SLC25A27: variants seen among roughly 807,000 people sequenced by gnomAD.
The protein encoded by SLC25A27 is mitochondrial uncoupling protein 4.
A neutral mutation model predicts 49.1 loss-of-function variants in SLC25A27; 35 were observed. The observed-to-expected ratio is 0.71, with a 90% confidence interval of 0.54 to 0.95. The LOEUF is 0.95. Ranked by LOEUF, SLC25A27 falls within the 40% of genes least tolerant of loss-of-function variation. SLC25A27 has a pLI of 0.00. For synonymous variants in SLC25A27, 144 were observed against 136.9 expected (o/e 1.05, Z -0.36); for missense variants, 339 against 397.1 (o/e 0.85, Z 1.24).
intron 2 of SLC25A27, among the ~76,000 whole-genome samples, chr6:46,656,894 A>C (rs1763000401): frequency 6.6e-6 from 1 of 152,238 alleles, no homozygotes; most frequent in South Asian, 2.1e-4. Flanking sequence ...AGCCAGATAC[A>C]GTGGCTTATG....
At chr6:46,669,868 C>T (rs886675272) in intron 6 of SLC25A27, among the ~76,000 whole-genome samples, 3 of 152,160 alleles carry the variant, frequency 2.0e-5, no homozygotes, top group African/African-American at 7.2e-5. Context: ...AGTATAAGCT[C>T]CTCAAGGGCA....
intron 3 of SLC25A27, among the ~76,000 whole-genome samples, chr6:46,660,149 A>G (rs948013833): frequency 5.9e-5 from 9 of 151,988 alleles, no homozygotes; most frequent in African/African-American, 1.9e-4. Context: ...CAATTCATTG[A>G]TTCTCTTGGA....
At chr6:46,658,478 C>G (rs1469015590) in intron 2 of SLC25A27, 1 of 444,404 alleles carries the variant, frequency 2.3e-6, no homozygotes, top group East Asian at 7.2e-5. Context: ...AATAAATTCT[C>G]CAATGAAATT....
chr6:46,664,986 AT>A, intron 5 of SLC25A27, 100 bp downstream of exon 5: 1 of 542,324 alleles, frequency 1.8e-6, no homozygotes, highest in Non-Finnish European at 3.2e-6. Context: ...TTTTTAATAT[AT>A]TGGTGACCAT....
In SLC25A27 at chr6:46,676,651, C is replaced by A. The variant is rs1276498560; in HGVS notation, c.*197C>A. 4 of 1,550,888 alleles carry A rather than the reference C, an allele frequency of 2.6e-6. No homozygotes were observed. ...ACTCCTCTTTTTGTCCAAAAGTGAT[C>A]TGGTCGGATCTCACAAGGCCATCCA... On this transcript the variant is annotated 3_prime_UTR_variant, in exon 9 of 9. Coordinates refer to ENST00000371347, the MANE Select transcript of SLC25A27 (RefSeq NM_004277.5).
At chr6:46,654,831 T>G (rs960704341) in intron 1 of SLC25A27, among the ~76,000 whole-genome samples, 1 of 152,194 alleles carries the variant, frequency 6.6e-6, no homozygotes, top group Non-Finnish European at 1.5e-5. Flanking sequence ...TAAGATTTAA[T>G]ATTCACTTCC....
At chr6:46,662,853 T>C (rs1456039741) in intron 4 of SLC25A27, among the ~76,000 whole-genome samples, 1 of 152,190 alleles carries the variant, frequency 6.6e-6, no homozygotes, top group Non-Finnish European at 1.5e-5. Flanking sequence ...CACTTAACAT[T>C]TCTGGTCTCT....
chr6:46,663,171 C>T (rs1763215493), intron 4 of SLC25A27, among the ~76,000 whole-genome samples: 1 of 152,088 alleles, frequency 6.6e-6, no homozygotes, highest in Non-Finnish European at 1.5e-5. Context: ...ACTTAGTTTC[C>T]CCTGGGAAAG....
intron 8 of SLC25A27, 33 bp downstream of exon 8, chr6:46,671,261 C>A (rs200346212): frequency 1.6e-6 from 2 of 1,243,600 alleles, no homozygotes; most frequent in South Asian, 1.4e-5. Flanking sequence ...TGTTTTTTTT[C>A]TTTGTACTTA....
At chr6:46,676,324 A>T (rs1763785162) in intron 8 of SLC25A27, 59 bp from the exon 9 acceptor site, 3 of 1,494,584 alleles carry the variant, frequency 2.0e-6, no homozygotes, top group Non-Finnish European at 2.8e-6. Context: ...GTATGCACAT[A>T]TGTAGACTAT....
rs1763185133 is a variant in SLC25A27, at chr6:46,662,241, G to T, written c.384-135G>T. 2.2e-5 allele frequency: 16 copies of T among 711,222 alleles called. No homozygotes were observed. The East Asian group carries it at 4.1e-4, about 18-fold the overall frequency. The allele number at this position is 711,222 out of a possible 1,614,324, so 44.1% of individuals were successfully genotyped here. A position where few individuals can be genotyped will look rare whatever the true frequency, so the allele number is the denominator to read the frequency against. On this transcript the variant is annotated intron_variant, in intron 3 of 8. Transcript: ENST00000371347. ...AGTCAAACTGTTTACTTTACTCTGT[G>T]ACTTACTTGGGTATATCCTTTTCTT... is the stretch of plus-strand genomic sequence containing the variant.
intron 2 of SLC25A27, among the ~76,000 whole-genome samples, chr6:46,657,841 AG>A (rs547269868): frequency 1.6e-4 from 24 of 152,236 alleles, no homozygotes; most frequent in Non-Finnish European, 3.4e-4. Flanking sequence ...AATGCAACAC[AG>A]GTGATTTTTG....
Position 46,652,977 on chromosome 6 carries a change from G to T in SLC25A27, c.-216G>T. The T allele has an allele frequency of 1.7e-6, 1 of 586,014 alleles. No homozygotes were observed. The highest frequency in any genetic ancestry group is 3.0e-6 in the Non-Finnish European group (1 of 330,414). 36.3% of individuals were successfully genotyped at this position (586,014 alleles called of 1,614,324 possible). ...CCAGTAACCTCCTGGGCTCCGCTGT[G>T]TTTTTCTATTCTGGGGTGTAAGGGG... On this transcript the variant is annotated 5_prime_UTR_variant, in exon 1 of 9. Coordinates refer to ENST00000371347, the MANE Select transcript of SLC25A27 (RefSeq NM_004277.5).
At position 46,670,176 on chromosome 6, in the gene SLC25A27, C is replaced by T. The variant is rs1257618943; in HGVS notation, c.746C>T (p.Ala249Val). 6.2e-7 allele frequency: 1 copy of T among 1,612,976 alleles called. No homozygotes were observed. Among genetic ancestry groups the T allele is most frequent in the Non-Finnish European group, 8.5e-7 (1 of 1,179,584 alleles). Residue 249 changes from alanine (A) to valine (V), a missense_variant, in exon 7 of 9, where the codon GCC becomes GTC. Ala to Val is a moderately conservative substitution (Grantham distance 64). Transcript: ENST00000371347. ...GLVASILGTP[A>V]DVIKSRIMNQ... ...GTAGCTTCTATTCTGGGAACACCAG[C>T]CGATGTCATCAAAAGCAGAATAATG...
Position 46,662,510 on chromosome 6 carries a change from A to G in SLC25A27, c.506+12A>G. 1 of 1,613,040 alleles carries G rather than the reference A, an allele frequency of 6.2e-7. No individual in the cohort carries two copies. The highest frequency in any genetic ancestry group is 8.5e-7 in the Non-Finnish European group (1 of 1,179,646). On this transcript the variant is annotated intron_variant, in intron 4 of 8. Coordinates refer to ENST00000371347, the MANE Select transcript of SLC25A27 (RefSeq NM_004277.5). ...GGAAAACCATTGCGGTAAGTTCTCC[A>G]ATTAACCAATACCTCTCTTTTTCCC... is the stretch of plus-strand genomic sequence containing the variant.
At chr6:46,659,119 T>C in intron 3 of SLC25A27, 73 bp downstream of exon 3, 1 of 953,538 alleles carries the variant, frequency 1.0e-6, no homozygotes, top group Non-Finnish European at 1.6e-6. Context: ...TGTAAAATTG[T>C]ACATTTGTAC....
chr6:46,653,375 G>C (rs1372450730), intron 1 of SLC25A27, 77 bp downstream of exon 1: 16 of 1,493,810 alleles, frequency 1.1e-5, no homozygotes, highest in Non-Finnish European at 1.3e-5. Flanking sequence ...GGGCGGCTTC[G>C]CGCCCGGCAG....
chr6:46,673,991 A>C (rs1763657015), intron 8 of SLC25A27, among the ~76,000 whole-genome samples: 1 of 152,184 alleles, frequency 6.6e-6, no homozygotes, highest in East Asian at 1.9e-4. Context: ...TATATGTAGA[A>C]GGTGAGGGAC....
intron 7 of SLC25A27, 99 bp downstream of exon 7, chr6:46,670,326 T>C: frequency 1.2e-6 from 1 of 808,006 alleles, no homozygotes; most frequent in South Asian, 1.8e-5. Flanking sequence ...GAAATGTATT[T>C]GTGTGTTTTT....
Sources: allele counts gnomAD v4.1 joint callset (sites outside exome capture counted in the v4.1 genomes callset), GRCh38; gene constraint gnomAD v4.1.1; transcripts MANE v1.5; gene names NCBI Gene and HGNC (gene_info 2026-07-23, HGNC 2026-07-21).